The following ITGB5 variants were observed in gnomAD, a reference collection of about 807,000 sequenced individuals.
ITGB5 encodes integrin beta-5.
In ITGB5, 38 loss-of-function variants were observed where a neutral mutation model predicts 84.8. The ratio of observed to expected loss-of-function variants is 0.45; its 90% CI spans 0.35 to 0.59. The LOEUF (loss-of-function observed/expected upper bound fraction) is 0.59, where lower values mean the gene tolerates loss of function less well. Ranked by LOEUF, ITGB5 falls within the 20% of genes least tolerant of loss-of-function variation. ITGB5 has a pLI of 0.01. For synonymous variants in ITGB5, 393 were observed against 414.4 expected (o/e 0.95, Z 0.63); for missense variants, 905 against 1,034.5 (o/e 0.87, Z 1.72).
chr3:124,851,952 G>A (rs1331294809), intron 3 of ITGB5, among the ~76,000 whole-genome samples: 1 of 152,126 alleles, frequency 6.6e-6, no homozygotes, highest in African/African-American at 2.4e-5. Context: ...CAGCCTGAAG[G>A]TGAAGCCATT....
At chr3:124,847,098 G>A (rs2065088623) in intron 4 of ITGB5, among the ~76,000 whole-genome samples, 1 of 152,182 alleles carries the variant, frequency 6.6e-6, no homozygotes, top group African/African-American at 2.4e-5. Flanking sequence ...TCAACAGATT[G>A]TTATGAGATT....
At chr3:124,898,218 C>CTT (rs11378220) in intron 1 of ITGB5, among the ~76,000 whole-genome samples, 25,690 of 145,046 alleles carry the variant, frequency 0.18, 2,380 homozygotes, top group South Asian at 0.22. Context: ...GCTTTGAGGT[C>CTT]TTTTTTTTTT....
chr3:124,794,619 TA>T lies in ITGB5; in HGVS notation c.1693+1768del, dbSNP rs746261593. On this transcript the variant is annotated intron_variant, in intron 10 of 14. Coordinates refer to ENST00000296181, the MANE Select transcript of ITGB5 (RefSeq NM_002213.5). Reference sequence around the variant, plus strand: ...AACATGGGGAAACCCCATATCTATTTAAAAAAAAAAAAATTTGCCAGGCGTG... The same window carrying T: ...AACATGGGGAAACCCCATATCTATTTAAAAAAAAAAAATTTGCCAGGCGTG... Among the ~76,000 whole-genome samples the T allele has an allele frequency of 5.5e-3, 790 of 144,274 alleles. 1 individual carries two copies. Among genetic ancestry groups the T allele is most frequent in the Admixed American group, 7.3e-3 (105 of 14,452 alleles). The allele number at this position is 144,274 out of a possible 152,430, so 94.6% of individuals were successfully genotyped here. A position where few individuals can be genotyped will look rare whatever the true frequency, so the allele number is the denominator to read the frequency against.
intron 5 of ITGB5, among the ~76,000 whole-genome samples, chr3:124,838,604 A>C (rs1347866012): frequency 6.6e-6 from 1 of 152,050 alleles, no homozygotes; most frequent in African/African-American, 2.4e-5. Flanking sequence ...CAAGTCATTA[A>C]AATTTTTTTT....
intron 2 of ITGB5, among the ~76,000 whole-genome samples, chr3:124,868,779 C>A (rs952853135): frequency 2.0e-5 from 3 of 151,356 alleles, no homozygotes; most frequent in African/African-American, 7.3e-5. Flanking sequence ...GCAGCCTGGG[C>A]AACAGAGTAA....
intron 1 of ITGB5, among the ~76,000 whole-genome samples, chr3:124,881,449 T>C (rs1156242003): frequency 1.3e-5 from 2 of 152,120 alleles, no homozygotes; most frequent in African/African-American, 4.8e-5. Context: ...CCAGTCTCTC[T>C]AATGGAATGG....
intron 1 of ITGB5, among the ~76,000 whole-genome samples, chr3:124,894,298 T>C (rs1935058419): frequency 6.6e-6 from 1 of 151,844 alleles, no homozygotes; most frequent in Non-Finnish European, 1.5e-5. Context: ...CATGCCCGGC[T>C]AATTTTTTGT....
At chr3:124,769,973 C>T (rs1436665500) in intron 11 of ITGB5, 1 of 152,230 alleles carries the variant, frequency 6.6e-6, no homozygotes. Flanking sequence ...AAATGCTTAA[C>T]TACAACGTTC....
At chr3:124,877,132 G>A (rs969414193) in intron 1 of ITGB5, among the ~76,000 whole-genome samples, 2 of 125,446 alleles carry the variant, frequency 1.6e-5, no homozygotes, top group African/African-American at 3.1e-5. Flanking sequence ...CACCACACCT[G>A]GCTAATTTTT....
At chr3:124,832,512 G>A (rs1246452772) in intron 5 of ITGB5, among the ~76,000 whole-genome samples, 1 of 152,218 alleles carries the variant, frequency 6.6e-6, no homozygotes, top group African/African-American at 2.4e-5. Context: ...GTGATCAACA[G>A]CATCATTAGC....
At chr3:124,841,285 C>A in intron 5 of ITGB5, 98 bp downstream of exon 5, 1 of 1,179,176 alleles carries the variant, frequency 8.5e-7, no homozygotes, top group Non-Finnish European at 1.2e-6. Context: ...GAGCCACATG[C>A]TGGGGCACTC....
At chr3:124,804,817 T>A (rs2064369869) in intron 9 of ITGB5, among the ~76,000 whole-genome samples, 2 of 151,620 alleles carry the variant, frequency 1.3e-5, no homozygotes, top group Non-Finnish European at 2.9e-5. Flanking sequence ...CAGGTGCACA[T>A]CACCACGCCC....
intron 5 of ITGB5, among the ~76,000 whole-genome samples, chr3:124,825,607 A>C (rs1172337851): frequency 6.6e-6 from 1 of 152,228 alleles, no homozygotes; most frequent in Non-Finnish European, 1.5e-5. Flanking sequence ...GGCTAATTCC[A>C]TTCATATGGT....
At chr3:124,891,140 A>G (rs143253358), upstream of ITGB5, among the ~76,000 whole-genome samples, 340 of 152,300 alleles carry the variant, frequency 2.2e-3, no homozygotes, top group African/African-American at 8.0e-3. Flanking sequence ...TATGTTTCTT[A>G]TTGTTAGTTT....
chr3:124,789,428 A>G (rs1258060313), intron 10 of ITGB5, among the ~76,000 whole-genome samples: 27 of 144,868 alleles, frequency 1.9e-4, no homozygotes, highest in Admixed American at 3.4e-4. Context: ...GCCTCTGACT[A>G]GACAGGGTTA....
chr3:124,863,611 T>C (rs1353791899), intron 2 of ITGB5, among the ~76,000 whole-genome samples: 1 of 152,160 alleles, frequency 6.6e-6, no homozygotes, highest in Admixed American at 6.5e-5. Flanking sequence ...CTCTGCTTCC[T>C]GGGTTCAAGT....
chr3:124,800,525 G>A (rs530527280), intron 9 of ITGB5, among the ~76,000 whole-genome samples: 19 of 152,338 alleles, frequency 1.2e-4, no homozygotes, highest in African/African-American at 4.1e-4. Flanking sequence ...CTTTCAAGCA[G>A]GTCCTGAGGC....
chr3:124,806,940 G>A lies in ITGB5; in HGVS notation c.1263+2082C>T, dbSNP rs145881879. 6.9e-3 allele frequency among the ~76,000 whole-genome samples: 1,055 copies of A among 152,052 alleles called. 11 individuals are homozygous for A. Among genetic ancestry groups the A allele is most frequent in the Middle Eastern group, 0.044 (13 of 294 alleles). ...TTTAATGAGATGAGGCTTTCCCCCC[G>A]ATGTAAAATAATATTAATTATTGCT... On this transcript the variant is annotated intron_variant, in intron 9 of 14. Transcript: ENST00000296181.
intron 2 of ITGB5, among the ~76,000 whole-genome samples, chr3:124,870,079 GA>G (rs1160245667): frequency 1.3e-5 from 2 of 152,182 alleles, no homozygotes; most frequent in African/African-American, 2.4e-5. Flanking sequence ...AAGAAATTAA[GA>G]GTAAATCACA....
Sources: allele counts gnomAD v4.1 joint callset (sites outside exome capture counted in the v4.1 genomes callset), GRCh38; gene constraint gnomAD v4.1.1; transcripts MANE v1.5; gene names NCBI Gene and HGNC (gene_info 2026-07-23, HGNC 2026-07-21).